Variants in ATG7 observed in about 807,000 individuals in gnomAD.
ATG7 encodes the protein autophagy related 7.
Under a neutral mutation model 82.4 loss-of-function variants are expected in ATG7, and 70 were observed. That is an observed-to-expected ratio of 0.85 (90% CI 0.70 to 1.04). The LOEUF (loss-of-function observed/expected upper bound fraction) is 1.04. ATG7 is among the 50% of genes least tolerant of loss of function. ATG7 has a pLI of 0.00. For synonymous variants in ATG7, 287 were observed against 313.0 expected (o/e 0.92, Z 0.88); for missense variants, 792 against 864.3 (o/e 0.92, Z 1.05).
At position 11,555,115 on chromosome 3, in the gene ATG7, C is replaced by G. The variant is rs1007622561; in HGVS notation, c.*272C>G. On this transcript the variant is annotated 3_prime_UTR_variant, in exon 21 of 21. Coordinates refer to ENST00000693202, the MANE Select transcript of ATG7 (RefSeq NM_001349232.2). ...CCTCCATGCAGTTTTTATTTCTTGT[C>G]ACAGTGACTGATAGCCATCCCCCAG... is the stretch of plus-strand genomic sequence containing the variant. 1 of 484,396 alleles carries G rather than the reference C, an allele frequency of 2.1e-6. No individual in the cohort carries two copies. The highest frequency in any genetic ancestry group is 3.2e-5 in the South Asian group (1 of 31,518). 30.0% of individuals were successfully genotyped at this position (484,396 alleles called of 1,614,324 possible). A position where few individuals can be genotyped will look rare whatever the true frequency, so the allele number is the denominator to read the frequency against.
intron 20 of ATG7, among the ~76,000 whole-genome samples, chr3:11,528,682 C>T (rs578027175): frequency 1.3e-5 from 2 of 151,734 alleles, no homozygotes; most frequent in South Asian, 2.1e-4. Context: ...AAAAATTAGC[C>T]GGGCATGGTG....
intron 14 of ATG7, among the ~76,000 whole-genome samples, chr3:11,354,343 G>A (rs2075776835): frequency 6.6e-6 from 1 of 152,092 alleles, no homozygotes; most frequent in Non-Finnish European, 1.5e-5. Flanking sequence ...ATAGCTATTT[G>A]AGGCAATAAG....
At chr3:11,504,621 A>G (rs941110145) in intron 20 of ATG7, among the ~76,000 whole-genome samples, 13 of 152,360 alleles carry the variant, frequency 8.5e-5, no homozygotes, top group African/African-American at 2.6e-4. Flanking sequence ...TGGCTTGAAT[A>G]CCTAATGTGT....
At chr3:11,478,949 C>A (rs141294452) in intron 20 of ATG7, among the ~76,000 whole-genome samples, 317 of 151,024 alleles carry the variant, frequency 2.1e-3, no homozygotes, top group Non-Finnish European at 3.6e-3. Flanking sequence ...CCTGAACACA[C>A]AAGGAGAAAT....
At chr3:11,434,895 C>T (rs1441993209) in intron 20 of ATG7, among the ~76,000 whole-genome samples, 1 of 152,220 alleles carries the variant, frequency 6.6e-6, no homozygotes, top group Admixed American at 6.5e-5. Flanking sequence ...ACATTGTACT[C>T]CTGGTTCCGC....
chr3:11,497,739 G>A lies in ATG7; in HGVS notation c.2080-57072G>A, dbSNP rs139861440. Among the ~76,000 whole-genome samples the A allele has an allele frequency of 2.0e-3, 311 of 151,874 alleles. 1 individual carries two copies. Among genetic ancestry groups the A allele is most frequent in the Non-Finnish European group, 3.5e-3 (240 of 67,958 alleles). On this transcript the variant is annotated intron_variant, in intron 20 of 20. Coordinates refer to ENST00000693202, the MANE Select transcript of ATG7 (RefSeq NM_001349232.2). ...TTGTTGAAGGGCAACTTTGGTACAC[G>A]AGGCTGGTTTTAGTTTCCCATGTCT... is the stretch of plus-strand genomic sequence containing the variant.
intron 20 of ATG7, among the ~76,000 whole-genome samples, chr3:11,519,713 C>T (rs1358763853): frequency 6.6e-6 from 1 of 151,626 alleles, no homozygotes. Flanking sequence ...GCGCCCGTCA[C>T]CGCGCCCGGC....
At chr3:11,446,528 C>T (rs2084573849) in intron 20 of ATG7, 1 of 444,984 alleles carries the variant, frequency 2.2e-6, no homozygotes. Context: ...GATTTTCTTA[C>T]ATTGATACCT....
At chr3:11,318,888 T>G (rs1025444310) in intron 9 of ATG7, among the ~76,000 whole-genome samples, 3 of 152,206 alleles carry the variant, frequency 2.0e-5, no homozygotes, top group African/African-American at 7.2e-5. Context: ...ACTGGCTGAT[T>G]GCTTGCGCCA....
chr3:11,424,094 T>C (rs6784861), intron 19 of ATG7, among the ~76,000 whole-genome samples: 132,091 of 151,958 alleles, frequency 0.87, 57,738 homozygotes, highest in East Asian at 1. Context: ...CTCCCCTGCC[T>C]CCCGTCGCCT....
At chr3:11,515,388 C>A (rs2092244706) in intron 20 of ATG7, among the ~76,000 whole-genome samples, 1 of 152,032 alleles carries the variant, frequency 6.6e-6, no homozygotes, top group African/African-American at 2.4e-5. Context: ...ACTGCAACCT[C>A]CACCTCCCCG....
chr3:11,291,892 A>G (rs1426758781), intron 3 of ATG7, among the ~76,000 whole-genome samples: 1 of 152,232 alleles, frequency 6.6e-6, no homozygotes, highest in Admixed American at 6.5e-5. Context: ...GGAAACTAGC[A>G]GGCTAAGGCT....
At chr3:11,576,290 TAG>T in the ATG7 span, among the ~76,000 whole-genome samples, 1 of 152,226 alleles carries the variant, frequency 6.6e-6, no homozygotes, top group Admixed American at 6.5e-5. Flanking sequence ...TGTCCCACAT[TAG>T]AGTTTTCAAA....
intron 20 of ATG7, among the ~76,000 whole-genome samples, chr3:11,457,224 A>T (rs2085821147): frequency 1.3e-5 from 2 of 152,080 alleles, no homozygotes; most frequent in South Asian, 4.1e-4. Context: ...CTACCTTGGG[A>T]TGAGGTTAGA....
chr3:11,490,771 C>A lies in ATG7; in HGVS notation c.2079+63845C>A, dbSNP rs1276859527. ...GATATGAAATTCTGGGTTGAAAATTCTTTTCTTTAAGAATGTTGAATATTG... is the reference window on the plus strand; with the variant it reads ...GATATGAAATTCTGGGTTGAAAATTATTTTCTTTAAGAATGTTGAATATTG... On this transcript the variant is annotated intron_variant, in intron 20 of 20. Coordinates refer to ENST00000693202, the MANE Select transcript of ATG7 (RefSeq NM_001349232.2). Among the ~76,000 whole-genome samples the A allele has an allele frequency of 3.9e-5, 6 of 151,962 alleles. 1 individual carries two copies. In the South Asian group the frequency reaches 6.2e-4, roughly 16 times the overall value.
At chr3:11,519,764 T>C (rs989684092) in intron 20 of ATG7, among the ~76,000 whole-genome samples, 13 of 151,914 alleles carry the variant, frequency 8.6e-5, no homozygotes, top group African/African-American at 3.1e-4. Flanking sequence ...GGTTTCACAG[T>C]GTTATCCAGG....
intron 19 of ATG7, among the ~76,000 whole-genome samples, chr3:11,381,041 C>G (rs1214373127): frequency 6.6e-6 from 1 of 152,284 alleles, no homozygotes; most frequent in Non-Finnish European, 1.5e-5. Flanking sequence ...AATTTGGTTA[C>G]GTTTAGATGC....
downstream of ATG7, chr3:11,558,460 C>A (rs1038953549): frequency 4.7e-6 from 5 of 1,069,054 alleles, no homozygotes; most frequent in African/African-American, 6.5e-5. Context: ...CCCTTCCCCC[C>A]ACCCCACCCC....
chr3:11,456,475 G>A (rs1171540256), intron 20 of ATG7, among the ~76,000 whole-genome samples: 17 of 152,162 alleles, frequency 1.1e-4, no homozygotes, highest in Admixed American at 2.6e-4. Flanking sequence ...TGAAGTACAC[G>A]TTTTTGTTGT....
Sources: allele counts gnomAD v4.1 joint callset (sites outside exome capture counted in the v4.1 genomes callset), GRCh38; gene constraint gnomAD v4.1.1; transcripts MANE v1.5; gene names NCBI Gene and HGNC (gene_info 2026-07-23, HGNC 2026-07-21).